ZSWIM5: variants seen among roughly 807,000 people sequenced by gnomAD.
ZSWIM5 encodes zinc finger SWIM-type containing 5.
ZSWIM5 carries 55 observed loss-of-function variants against 119.6 expected under a neutral mutation model. The ratio of observed to expected loss-of-function variants is 0.46; its 90% CI spans 0.37 to 0.58. The LOEUF (loss-of-function observed/expected upper bound fraction) is 0.58. ZSWIM5 is among the 20% of genes least tolerant of loss of function. The pLI is 0.00. For missense variants in ZSWIM5, 1,193 were observed against 1,512.8 expected, an observed-to-expected ratio of 0.79 and a Z score of 3.51; for synonymous variants, 537 against 606.9, an observed-to-expected ratio of 0.88 and a Z score of 1.69.
In ZSWIM5 at chr1:45,157,411, G is replaced by A. The variant is rs1475152671; in HGVS notation, c.595+48345C>T. Among the ~76,000 whole-genome samples, 3 of 152,164 alleles carry A rather than the reference G, an allele frequency of 2.0e-5. No individual in the cohort carries two copies. In the East Asian group the frequency reaches 5.8e-4, roughly 29 times the overall value. Reference sequence around the variant, plus strand: ...GCTGGTTTCGAACTCCTGGGCTCAAGTGATCCTCCCACCTTGGCCTCCCAA... The same window carrying A: ...GCTGGTTTCGAACTCCTGGGCTCAAATGATCCTCCCACCTTGGCCTCCCAA... On this transcript the variant is annotated intron_variant, in intron 1 of 13. Coordinates refer to ENST00000359600, the MANE Select transcript of ZSWIM5 (RefSeq NM_020883.2).
chr1:45,127,582 C>A (rs1460291724), intron 1 of ZSWIM5, among the ~76,000 whole-genome samples: 1 of 151,646 alleles, frequency 6.6e-6, no homozygotes, highest in African/African-American at 2.4e-5. Flanking sequence ...AGGTGCACAC[C>A]ACGATGCCAG....
At chr1:45,189,785 C>A (rs1409464324) in intron 1 of ZSWIM5, among the ~76,000 whole-genome samples, 1 of 151,996 alleles carries the variant, frequency 6.6e-6, no homozygotes, top group Non-Finnish European at 1.5e-5. Context: ...AAACAACCTA[C>A]ATAATTACCT....
intron 3 of ZSWIM5, among the ~76,000 whole-genome samples, chr1:45,059,897 A>G (rs1405221701): frequency 6.6e-6 from 1 of 152,188 alleles, no homozygotes; most frequent in Non-Finnish European, 1.5e-5. Flanking sequence ...CAGAAGGAAC[A>G]GGACTACCAG....
chr1:45,135,628 A>G (rs1420303787), intron 1 of ZSWIM5, among the ~76,000 whole-genome samples: 1 of 152,234 alleles, frequency 6.6e-6, no homozygotes, highest in Non-Finnish European at 1.5e-5. Context: ...ATTTTCAAAG[A>G]GACACATGTC....
intron 1 of ZSWIM5, among the ~76,000 whole-genome samples, chr1:45,098,822 C>T (rs1250842084): frequency 6.6e-6 from 1 of 152,136 alleles, no homozygotes; most frequent in Non-Finnish European, 1.5e-5. Context: ...TAAATGAAGG[C>T]AGAAATAAAG....
At chr1:45,159,267 A>C (rs780757829) in intron 1 of ZSWIM5, among the ~76,000 whole-genome samples, 36 of 152,104 alleles carry the variant, frequency 2.4e-4, no homozygotes, top group Non-Finnish European at 3.5e-4. Flanking sequence ...TTCTGTTCCC[A>C]TATTTATTTA....
chr1:45,075,259 T>G (rs1570063041), intron 2 of ZSWIM5, among the ~76,000 whole-genome samples: 1 of 152,016 alleles, frequency 6.6e-6, no homozygotes, highest in East Asian at 1.9e-4. Context: ...CCAATGTTTC[T>G]TTGTTGATTT....
At chr1:45,060,515 A>G (rs1427311456) in intron 2 of ZSWIM5, among the ~76,000 whole-genome samples, 2 of 152,208 alleles carry the variant, frequency 1.3e-5, no homozygotes, top group African/African-American at 2.4e-5. Flanking sequence ...ACTGTAGGGG[A>G]AAAAAGGTTA....
chr1:45,174,374 T>C (rs1645963594), intron 1 of ZSWIM5, among the ~76,000 whole-genome samples: 3 of 152,002 alleles, frequency 2.0e-5, no homozygotes, highest in Admixed American at 6.6e-5. Context: ...AAAAACATAT[T>C]CTCTTAAACA....
At chr1:45,109,787 T>C (rs13376626) in intron 1 of ZSWIM5, among the ~76,000 whole-genome samples, 3,131 of 152,226 alleles carry the variant, frequency 0.021, 115 homozygotes, top group African/African-American at 0.072. Flanking sequence ...TACTACTTCT[T>C]CAGAAAGATT....
intron 2 of ZSWIM5, among the ~76,000 whole-genome samples, chr1:45,063,045 C>G (rs1368335410): frequency 1.3e-5 from 2 of 152,194 alleles, no homozygotes; most frequent in African/African-American, 2.4e-5. Context: ...CAATGCTTAG[C>G]TCCCACTTAT....
At chr1:45,164,825 T>G (rs1244616750) in intron 1 of ZSWIM5, among the ~76,000 whole-genome samples, 2 of 152,172 alleles carry the variant, frequency 1.3e-5, no homozygotes, top group East Asian at 1.9e-4. Context: ...AGCAAATCCT[T>G]AGAGACCTAC....
At chr1:45,184,239 G>T (rs1646042310) in intron 1 of ZSWIM5, among the ~76,000 whole-genome samples, 2 of 151,972 alleles carry the variant, frequency 1.3e-5, no homozygotes, top group African/African-American at 4.8e-5. Flanking sequence ...GGTATTGATG[G>T]GATGTATCTC....
chr1:45,159,843 C>T (rs966216540), intron 1 of ZSWIM5, among the ~76,000 whole-genome samples: 1 of 152,168 alleles, frequency 6.6e-6, no homozygotes, highest in Non-Finnish European at 1.5e-5. Flanking sequence ...CTCACCTTGG[C>T]CTCCCAAAGT....
rs1027394478 is a variant in ZSWIM5 at position 45,206,459 on chromosome 1, G to C, written c.-109C>G. 95 of 1,211,688 alleles carry C rather than the reference G, an allele frequency of 7.8e-5. No homozygotes were observed. In the Admixed American group the frequency reaches 2.0e-3, roughly 26 times the overall value. The allele number at this position is 1,211,688 out of a possible 1,614,324, so 75.1% of individuals were successfully genotyped here. ...CAAGCGCCCAGCGGTGGCGCCGAGG[G>C]GGGCGGGGCGAGAGAACCCGCGAGC... On this transcript the variant is annotated 5_prime_UTR_variant, in exon 1 of 14. Coordinates refer to ENST00000359600, the MANE Select transcript of ZSWIM5 (RefSeq NM_020883.2).
intron 1 of ZSWIM5, among the ~76,000 whole-genome samples, chr1:45,176,722 G>A (rs950785589): frequency 6.6e-5 from 10 of 151,894 alleles, no homozygotes; most frequent in African/African-American, 1.2e-4. Context: ...CTGTGCTCAA[G>A]CTCAAAAAAC....
intron 1 of ZSWIM5, among the ~76,000 whole-genome samples, chr1:45,198,464 G>A (rs1357170498): frequency 6.6e-6 from 1 of 152,234 alleles, no homozygotes; most frequent in Non-Finnish European, 1.5e-5. Flanking sequence ...TGACTTTCCG[G>A]AGGGACAAAG....
intron 3 of ZSWIM5, 149 bp downstream of exon 3, chr1:45,059,949 TG>T: frequency 1.1e-6 from 1 of 946,290 alleles, no homozygotes; most frequent in Non-Finnish European, 1.6e-6. Context: ...TGCTCAGGTC[TG>T]GTCAGCCTCT....
chr1:45,130,598 C>T (rs1268530168), intron 1 of ZSWIM5, among the ~76,000 whole-genome samples: 1 of 152,150 alleles, frequency 6.6e-6, no homozygotes, highest in Non-Finnish European at 1.5e-5. Context: ...CCACCAAACA[C>T]TGATGAGAAT....
Sources: gnomAD v4.1 joint callset for allele counts (sites outside exome capture counted in the v4.1 genomes callset) on GRCh38, gnomAD v4.1.1 for gene constraint, MANE v1.5 for transcripts, NCBI Gene and HGNC (gene_info 2026-07-23, HGNC 2026-07-21) for gene names.